The following NRK variants were observed in gnomAD, a reference collection of about 807,000 sequenced individuals.
NRK encodes Nik related kinase.
Under a neutral mutation model 125.2 loss-of-function variants are expected in NRK, and 67 were observed. That is an observed-to-expected ratio of 0.54 (90% CI 0.44 to 0.66). The LOEUF (loss-of-function observed/expected upper bound fraction) is 0.66, where lower values mean the gene tolerates loss of function less well. Ranked by LOEUF, NRK falls within the 30% of genes least tolerant of loss-of-function variation. The pLI, the probability that NRK is intolerant of heterozygous loss-of-function variation, is 0.00. For missense variants in NRK, 1,224 were observed against 1,192.9 expected (o/e 1.03, Z -0.38); for synonymous variants, 458 against 429.0 (o/e 1.07, Z -0.84).
chrX:105,822,369 T>C (rs905121942), upstream of NRK, among the ~76,000 whole-genome samples: 2 of 111,896 alleles, frequency 1.8e-5, no homozygotes, highest in Admixed American at 9.3e-5. Flanking sequence ...CAAACCGTTA[T>C]AGTCCTTCAG....
intron 2 of NRK, among the ~76,000 whole-genome samples, chrX:105,866,458 C>A (rs866262250): frequency 9.0e-6 from 1 of 110,808 alleles, no homozygotes; most frequent in South Asian, 3.7e-4. Flanking sequence ...TATTCTTTTC[C>A]AGCACGTAAG....
At chrX:105,933,214 ATCT>A (rs2147781426) in intron 19 of NRK, among the ~76,000 whole-genome samples, 1 of 102,332 alleles carries the variant, frequency 9.8e-6, no homozygotes, top group South Asian at 4.4e-4. Flanking sequence ...CTATCTATCT[ATCT>A]TAATTAAAGA....
At chrX:105,830,992 A>G (rs2039184146) in intron 1 of NRK, 62 bp from the exon 2 acceptor site, 1 of 677,033 alleles carries the variant, frequency 1.5e-6, no homozygotes, top group South Asian at 2.3e-5. Flanking sequence ...TAAAAAAAAG[A>G]TAGTTGAATG....
Position 105,946,265 on chromosome X carries a change from T to A in NRK, c.4204-50T>A, listed in dbSNP as rs767808575. On this transcript the variant is annotated intron_variant, in intron 25 of 28. Transcript: ENST00000243300. ...AAGAGTGAGGGAATTTTTGCCTTAGTTAGAATGTCATTTTTGGCCTTTTGG... is the reference window on the plus strand; with the variant it reads ...AAGAGTGAGGGAATTTTTGCCTTAGATAGAATGTCATTTTTGGCCTTTTGG... The A allele has an allele frequency of 6.4e-6, 7 of 1,087,282 alleles. No homozygotes were observed. The East Asian group carries it at 2.2e-4, about 34-fold the overall frequency. 89.6% of individuals were successfully genotyped at this position (1,087,282 alleles called of 1,213,427 possible).
chrX:105,957,347 G>A lies in NRK; in HGVS notation c.*1747G>A, dbSNP rs1331547892. ...AAGTAGTCTTCATTATTATAAATTTGTACACCAAAAGGCCATGGGGAACTT... is the reference window on the plus strand; with the variant it reads ...AAGTAGTCTTCATTATTATAAATTTATACACCAAAAGGCCATGGGGAACTT... On this transcript the variant is annotated 3_prime_UTR_variant, in exon 29 of 29. Transcript: ENST00000243300. 1 of 107,276 alleles carries A rather than the reference G, an allele frequency of 9.3e-6. No homozygotes were observed. The highest frequency in any genetic ancestry group is 1.9e-5 in the Non-Finnish European group (1 of 51,942). The allele number at this position is 107,276 out of a possible 1,213,427, so 8.8% of individuals were successfully genotyped here.
intron 9 of NRK, among the ~76,000 whole-genome samples, chrX:105,902,313 A>T (rs2040169083): frequency 9.0e-6 from 1 of 111,290 alleles, no homozygotes; most frequent in South Asian, 3.8e-4. Flanking sequence ...GGAGTAATAC[A>T]ACTTTGGTCA....
At chrX:105,951,003 CCTT>C (rs1305423658) in intron 27 of NRK, among the ~76,000 whole-genome samples, 3 of 109,092 alleles carry the variant, frequency 2.7e-5, no homozygotes, top group East Asian at 2.9e-4. Context: ...TCTGCAGAAT[CCTT>C]CTTCTTTTTT....
chrX:105,916,588 TA>T (rs2040368861), intron 15 of NRK, among the ~76,000 whole-genome samples: 2 of 111,607 alleles, frequency 1.8e-5, no homozygotes, highest in African/African-American at 3.2e-5. Context: ...TTCATTACTT[TA>T]AAAAACCCAT....
At chrX:105,885,027 G>A (rs1329767354) in intron 4 of NRK, among the ~76,000 whole-genome samples, 1 of 111,867 alleles carries the variant, frequency 8.9e-6, no homozygotes, top group Non-Finnish European at 1.9e-5. Context: ...CTGACCTCAA[G>A]TGATCCACCT....
intron 2 of NRK, among the ~76,000 whole-genome samples, chrX:105,879,175 C>T (rs139511766): frequency 3.6e-5 from 4 of 110,391 alleles, no homozygotes; most frequent in Admixed American, 9.8e-5. Flanking sequence ...ATAAAGAAAC[C>T]GGACATTGAC....
chrX:105,905,082 G>A (rs183888302), intron 9 of NRK, among the ~76,000 whole-genome samples, 183 bp from the exon 10 acceptor site: 16 of 111,806 alleles, frequency 1.4e-4, no homozygotes, highest in Non-Finnish European at 3.0e-4. Context: ...CTTATATATT[G>A]CAACATTGCA....
intron 2 of NRK, among the ~76,000 whole-genome samples, chrX:105,879,945 A>G (rs1302957398): frequency 9.0e-6 from 1 of 111,277 alleles, no homozygotes; most frequent in Non-Finnish European, 1.9e-5. Context: ...TCCACTAGTT[A>G]CTACAGATGT....
chrX:105,947,475 G>T lies in NRK; in HGVS notation c.4353+1011G>T, dbSNP rs987554816. ...AAAAAAAAAAAAAAGAAAGAAATACGGTGCAACATCTAAAATATAGATTGT... is the reference window on the plus strand; with the variant it reads ...AAAAAAAAAAAAAAGAAAGAAATACTGTGCAACATCTAAAATATAGATTGT... On this transcript the variant is annotated intron_variant, in intron 26 of 28. Coordinates refer to ENST00000243300, the MANE Select transcript of NRK (RefSeq NM_198465.4). Among the ~76,000 whole-genome samples the T allele has an allele frequency of 1.1e-4, 12 of 107,886 alleles. 1 individual carries two copies. The highest frequency in any genetic ancestry group is 2.1e-4 in the Non-Finnish European group (11 of 52,194). 93.7% of individuals were successfully genotyped at this position (107,886 alleles called of 115,157 possible).
At chrX:105,925,467 T>G (rs1457273820) in intron 19 of NRK, among the ~76,000 whole-genome samples, 2 of 111,076 alleles carry the variant, frequency 1.8e-5, no homozygotes, top group Non-Finnish European at 3.8e-5. Context: ...ATCAATATCC[T>G]CTCTCCTAGC....
In NRK at chrX:105,921,997, G is replaced by T. The variant is rs2040456933; in HGVS notation, c.2546G>T (p.Gly849Val). Residue 849 changes from glycine to valine, a missense_variant, in exon 17 of 29, where the codon GGA (glycine) becomes GTA (valine). Gly to Val is a moderately radical substitution (Grantham distance 109). Transcript: ENST00000243300. ...TCTGAGGAAGAAAGTCCTGTGACTG[G>T]AAGGAGGTCTCAGTCATCACCACCT... ...SSSEEESPVT[G>V]RRSQSSPPYS... 1.7e-6 allele frequency: 2 copies of T among 1,178,034 alleles called. No homozygotes were observed. The highest frequency in any genetic ancestry group is 2.3e-6 in the Non-Finnish European group (2 of 868,526).
intron 1 of NRK, among the ~76,000 whole-genome samples, chrX:105,830,673 TC>T (rs1430706584): frequency 9.0e-6 from 1 of 110,960 alleles, no homozygotes; most frequent in Non-Finnish European, 1.9e-5. Flanking sequence ...AGAGTTCATG[TC>T]CTTTGTAGGG....
chrX:105,923,438 T>C lies in NRK; in HGVS notation c.2931T>C (p.Val977=), dbSNP rs2040479433. The change falls in exon 18 of 29, where the codon GTT becomes GTC. Residue 977 remains valine (V), a synonymous_variant. Coordinates refer to ENST00000243300, the MANE Select transcript of NRK (RefSeq NM_198465.4). ...KDHDDDNNKF[V]DDVNNNYYEA... ...ATGATGATGACAACAATAAGTTTGT[T>C]GATGATGTAAATAATAATTATTATG... 8.7e-7 allele frequency: 1 copy of C among 1,146,057 alleles called. No individual in the cohort carries two copies. Among genetic ancestry groups the C allele is most frequent in the African/African-American group, 1.8e-5 (1 of 55,036 alleles). 94.4% of individuals were successfully genotyped at this position (1,146,057 alleles called of 1,213,427 possible).
chrX:105,915,730 G>A lies in NRK; in HGVS notation c.2350G>A (p.Val784Ile), dbSNP rs766984351. The change falls in exon 15 of 29, where the codon GTT (valine) becomes ATT (isoleucine). Residue 784 changes from valine to isoleucine, a missense_variant and splice_region_variant. Val to Ile is a conservative substitution (Grantham distance 29). Transcript: ENST00000243300. ...TGAAGTATTGCATTGTGTCTTTAAG[G>A]TTCAAGAGAGATCTCCTTCTGTGCC... ...PYISNPKKIE[V>I]QERSPSVPNN... The A allele has an allele frequency of 8.9e-7, 1 of 1,117,956 alleles. No homozygotes were observed. Among genetic ancestry groups the A allele is most frequent in the Non-Finnish European group, 1.2e-6 (1 of 813,732 alleles). 92.1% of individuals were successfully genotyped at this position (1,117,956 alleles called of 1,213,427 possible).
rs1403643825 is a variant in NRK, at chrX:105,934,492, TTAAA to T, written c.3499+51_3499+54del. 5.1e-6 allele frequency: 4 copies of T among 788,338 alleles called. No homozygotes were observed. The African/African-American group carries it at 6.2e-5, about 12-fold the overall frequency. 65.0% of individuals were successfully genotyped at this position (788,338 alleles called of 1,213,427 possible). ...CTAAATGCTACTATCTGTTCACTTA[TTAAA>T]TAGTGTTTAACCACTGCTTCATGAT... On this transcript the variant is annotated intron_variant, in intron 20 of 28. Coordinates refer to ENST00000243300, the MANE Select transcript of NRK (RefSeq NM_198465.4).
Sources: gnomAD v4.1 joint callset for allele counts (sites outside exome capture counted in the v4.1 genomes callset) on GRCh38, gnomAD v4.1.1 for gene constraint, MANE v1.5 for transcripts, NCBI Gene and HGNC (gene_info 2026-07-23, HGNC 2026-07-21) for gene names.